CACNA1D: variants seen among roughly 807,000 people sequenced by gnomAD.
CACNA1D encodes voltage-dependent L-type calcium channel subunit alpha-1D.
CACNA1D carries 55 observed loss-of-function variants against 257.1 expected under a neutral mutation model. The observed-to-expected ratio is 0.21, with a 90% CI of 0.17 to 0.27. The LOEUF is 0.27. Ranked by LOEUF, CACNA1D falls within the 10% of genes least tolerant of loss-of-function variation. CACNA1D has a pLI of 1.00. For synonymous variants in CACNA1D, 980 were observed against 1,014.9 expected, an observed-to-expected ratio of 0.97 and a Z score of 0.65; for missense variants, 1,876 against 2,784.0, an observed-to-expected ratio of 0.67 and a Z score of 7.34.
At chr3:53,531,440 T>C (rs2091946703) in intron 3 of CACNA1D, among the ~76,000 whole-genome samples, 1 of 152,202 alleles carries the variant, frequency 6.6e-6, no homozygotes, top group South Asian at 2.1e-4. Flanking sequence ...AGGAAAAACA[T>C]GTCTTTAAAC....
At chr3:53,739,836 T>G (rs2095097874) in intron 20 of CACNA1D, among the ~76,000 whole-genome samples, 1 of 152,232 alleles carries the variant, frequency 6.6e-6, no homozygotes, top group Non-Finnish European at 1.5e-5. Flanking sequence ...GCTGCCATCT[T>G]CATTTATGCT....
chr3:53,682,609 A>G (rs1194850646), intron 8 of CACNA1D, among the ~76,000 whole-genome samples: 1 of 151,840 alleles, frequency 6.6e-6, no homozygotes, highest in Non-Finnish European at 1.5e-5. Flanking sequence ...TATGGAATCT[A>G]GGTGAGGTAG....
chr3:53,663,698 C>T (rs2094229394), intron 5 of CACNA1D, among the ~76,000 whole-genome samples: 1 of 152,138 alleles, frequency 6.6e-6, no homozygotes, highest in Admixed American at 6.5e-5. Context: ...GGGTCTGAGT[C>T]TGAGGATTTC....
rs1199559512 is a variant in CACNA1D at position 53,718,384 on chromosome 3, C to G, written c.1474C>G (p.Leu492Val). The change falls in exon 10 of 48, where the codon CTC becomes GTC. Residue 492 changes from leucine (L) to valine (V), a missense_variant. Physicochemically the swap from Leu to Val is conservative, Grantham distance 32 (BLOSUM62 1). This residue lies in a region of CACNA1D where 257 missense variants were observed against 399.7 expected (regional missense o/e 0.64). Transcript: ENST00000350061. ...CGAGAACCGAGGCTGCTGTGGAAGT[C>G]TCTGGTGAGTGTGGGGAGCACTTGC... ...EGENRGCCGS[L>V]CQAISKSKLS... 2 of 1,613,664 alleles carry G rather than the reference C, an allele frequency of 1.2e-6. No homozygotes were observed. Among genetic ancestry groups the G allele is most frequent in the African/African-American group, 2.7e-5 (2 of 74,924 alleles).
In CACNA1D at chr3:53,658,886, T is replaced by C. The variant is rs189559716; in HGVS notation, c.624-1247T>C. 1.4e-3 allele frequency among the ~76,000 whole-genome samples: 206 copies of C among 152,290 alleles called. 1 individual carries two copies. The highest frequency in any genetic ancestry group is 4.8e-3 in the African/African-American group (201 of 41,564). ...TTCGTTGCTAATTGCTGTACTGTTATTAAAACAAAGGGCTGATCTATAAAT... is the reference window on the plus strand; with the variant it reads ...TTCGTTGCTAATTGCTGTACTGTTACTAAAACAAAGGGCTGATCTATAAAT... On this transcript the variant is annotated intron_variant, in intron 4 of 47. Coordinates refer to ENST00000350061, the MANE Select transcript of CACNA1D (RefSeq NM_001128840.3).
In CACNA1D at chr3:53,770,453, C is replaced by T. The variant is rs138088571; in HGVS notation, c.3945C>T (p.Ile1315=). 6 of 1,613,770 alleles carry T rather than the reference C, an allele frequency of 3.7e-6. No individual in the cohort carries two copies. In the African/African-American group the frequency reaches 5.3e-5, roughly 14 times the overall value. Residue 1315 remains isoleucine, a synonymous_variant, in exon 32 of 48, where the codon ATC becomes ATT. Transcript: ENST00000350061. The part of the protein sequence containing the change: ...GNSEESNRIS[I]TFFRLFRVMR... The stretch of plus-strand genomic sequence containing the variant: ...CTGAAGAGAGCAATAGAATCTCCAT[C>T]ACCTTTTTCCGTCTTTTCCGAGTGA...
intron 3 of CACNA1D, among the ~76,000 whole-genome samples, chr3:53,582,678 T>C (rs2093152505): frequency 6.6e-6 from 1 of 152,118 alleles, no homozygotes; most frequent in African/African-American, 2.4e-5. Context: ...GTTCTGCACC[T>C]CTGCAGGCCA....
chr3:53,518,204 G>T (rs1432132812), intron 3 of CACNA1D, among the ~76,000 whole-genome samples: 1 of 152,234 alleles, frequency 6.6e-6, no homozygotes, highest in East Asian at 1.9e-4. Context: ...GCACCCTGGG[G>T]TGGAAGCAGC....
intron 40 of CACNA1D, among the ~76,000 whole-genome samples, chr3:53,787,511 C>A (rs2095461608): frequency 6.6e-6 from 1 of 151,322 alleles, no homozygotes; most frequent in Admixed American, 6.6e-5. Flanking sequence ...GGCCAGGAGG[C>A]CAGCTGTGCA....
intron 2 of CACNA1D, 26 bp downstream of exon 2, chr3:53,497,487 T>C (rs780303281): frequency 1.2e-5 from 20 of 1,605,326 alleles, no homozygotes; most frequent in Non-Finnish European, 1.5e-5. Context: ...GGGAAGTCTT[T>C]CTCATTTTCT....
At chr3:53,641,683 G>A (rs1306491134) in intron 3 of CACNA1D, among the ~76,000 whole-genome samples, 1 of 152,196 alleles carries the variant, frequency 6.6e-6, no homozygotes, top group East Asian at 1.9e-4. Context: ...AGGCAAGTCT[G>A]AAGCGTCAAG....
In CACNA1D at chr3:53,495,660, G is replaced by A. The variant is rs953087090; in HGVS notation, c.67+427G>A. 6.6e-6 allele frequency among the ~76,000 whole-genome samples: 1 copy of A among 152,212 alleles called. No homozygotes were observed. The highest frequency in any genetic ancestry group is 1.5e-5 in the Non-Finnish European group (1 of 68,026). ...TCGTTGACTAGGAAGAAGGTCCCTG[G>A]TGGCATCCGGAAAATTCTAGGATTG... On this transcript the variant is annotated intron_variant, in intron 1 of 47. Coordinates refer to ENST00000350061, the MANE Select transcript of CACNA1D (RefSeq NM_001128840.3). This position sits in a 1 kb window ranked among gnomAD's most constrained non-coding sequence, Gnocchi z 5.1.
intron 3 of CACNA1D, among the ~76,000 whole-genome samples, chr3:53,614,718 C>T (rs1055676897): frequency 6.6e-6 from 1 of 152,226 alleles, no homozygotes; most frequent in African/African-American, 2.4e-5. Context: ...GGCTACTCAG[C>T]TTCCATACGT....
At chr3:53,778,068 A>G (rs990681456) in intron 37 of CACNA1D, among the ~76,000 whole-genome samples, 84 of 152,318 alleles carry the variant, frequency 5.5e-4, no homozygotes, top group African/African-American at 1.9e-3. Flanking sequence ...AATATGTTTC[A>G]GACTCTCAAA....
At chr3:53,538,103 A>G (rs2092168033) in intron 3 of CACNA1D, among the ~76,000 whole-genome samples, 1 of 145,578 alleles carries the variant, frequency 6.9e-6, no homozygotes, top group South Asian at 2.2e-4. Context: ...TTATTGGCTT[A>G]AATGTTTGAT....
chr3:53,500,174 G>A (rs565955103), intron 2 of CACNA1D, among the ~76,000 whole-genome samples: 1 of 145,458 alleles, frequency 6.9e-6, no homozygotes, highest in African/African-American at 2.5e-5. Context: ...AGCAGATTGC[G>A]AGTCCAGAAG....
At chr3:53,518,592 A>C (rs1021017529) in intron 3 of CACNA1D, among the ~76,000 whole-genome samples, 2 of 152,072 alleles carry the variant, frequency 1.3e-5, no homozygotes, top group Non-Finnish European at 2.9e-5. Context: ...ACCTCTTCCC[A>C]AAGATGTTGC....
intron 40 of CACNA1D, among the ~76,000 whole-genome samples, chr3:53,792,937 G>T (rs2095491063): frequency 6.6e-6 from 1 of 152,236 alleles, no homozygotes; most frequent in South Asian, 2.1e-4. Context: ...CTCACAGTAG[G>T]TGTTGTGGGT....
chr3:53,507,126 A>T (rs2090890748), intron 3 of CACNA1D, among the ~76,000 whole-genome samples: 1 of 151,602 alleles, frequency 6.6e-6, no homozygotes, highest in Non-Finnish European at 1.5e-5. Context: ...AGAGAGCCTC[A>T]AAATGACCAG....
Sources: gnomAD v4.1 joint callset for allele counts (sites outside exome capture counted in the v4.1 genomes callset) on GRCh38, gnomAD v4.1.1 for gene constraint, gnomAD v4.1.1 regional missense constraint, Gnocchi (gnomAD v3.1) non-coding constraint, MANE v1.5 for transcripts, NCBI Gene and HGNC (gene_info 2026-07-23, HGNC 2026-07-21) for gene names.